CNBD1: variants seen among roughly 807,000 people sequenced by gnomAD.
The protein encoded by CNBD1 is cyclic nucleotide binding domain containing 1.
In CNBD1, 71 loss-of-function variants were observed where a neutral mutation model predicts 54.4. That is an observed-to-expected ratio of 1.30 (90% CI 1.08 to 1.59). The LOEUF is 1.59. Ranked by LOEUF, CNBD1 falls within the 40% of genes most tolerant of loss-of-function variation. The pLI is 0.00. For synonymous variants in CNBD1, 182 were observed against 170.7 expected (o/e 1.07, Z -0.51); for missense variants, 659 against 518.0 (o/e 1.27, Z -2.64).
At chr8:87,422,225 G>A (rs1315551736) in intron 2 of CNBD1, among the ~76,000 whole-genome samples, 1 of 146,846 alleles carries the variant, frequency 6.8e-6, no homozygotes, top group Non-Finnish European at 1.5e-5. Context: ...TTTGTAGGTT[G>A]CCTGTTCACT....
chr8:86,978,589 C>A (rs941220955), intron 4 of CNBD1, among the ~76,000 whole-genome samples: 8 of 123,842 alleles, frequency 6.5e-5, no homozygotes, highest in Admixed American at 1.1e-4. Context: ...GTTGCCCAGG[C>A]TGGAGTGCAA....
intron 8 of CNBD1, among the ~76,000 whole-genome samples, chr8:87,316,676 T>C (rs1295464684): frequency 6.6e-6 from 1 of 151,848 alleles, no homozygotes; most frequent in Non-Finnish European, 1.5e-5. Context: ...AAATAACTTA[T>C]GAAACATTCA....
downstream of CNBD1, among the ~76,000 whole-genome samples, chr8:87,384,896 A>G (rs189505609): frequency 3.9e-3 from 590 of 152,336 alleles, 8 homozygotes; most frequent in African/African-American, 0.013. Flanking sequence ...GAAAGGGGAC[A>G]TTGTAAAAGA....
intron 5 of CNBD1, among the ~76,000 whole-genome samples, chr8:87,224,763 T>C (rs1208168585): frequency 9.9e-5 from 15 of 150,882 alleles, no homozygotes; most frequent in Non-Finnish European, 1.6e-4. Context: ...AAAGTAGTTT[T>C]TTCCAATTCT....
chr8:86,931,542 C>T (rs1809458422), intron 3 of CNBD1, among the ~76,000 whole-genome samples: 1 of 152,112 alleles, frequency 6.6e-6, no homozygotes, highest in South Asian at 2.1e-4. Flanking sequence ...TTGGCCTACT[C>T]CGTTTTCTGT....
intron 4 of CNBD1, among the ~76,000 whole-genome samples, chr8:86,950,481 C>G (rs1320045610): frequency 6.6e-6 from 1 of 152,060 alleles, no homozygotes; most frequent in Admixed American, 6.6e-5. Context: ...CCCTTGCATC[C>G]CTGGGATAAG....
intron 4 of CNBD1, among the ~76,000 whole-genome samples, chr8:86,957,145 T>C (rs2130460378): frequency 6.6e-6 from 1 of 152,376 alleles, no homozygotes; most frequent in Non-Finnish European, 1.5e-5. Context: ...GATTGCTGTA[T>C]GTTGAACTAG....
At chr8:86,878,058 TTTTG>T (rs1808550329) in intron 1 of CNBD1, among the ~76,000 whole-genome samples, 1 of 150,402 alleles carries the variant, frequency 6.6e-6, no homozygotes, top group Non-Finnish European at 1.5e-5. Context: ...TGCCATGTAA[TTTTG>T]TTTTTCTTTC....
intron 4 of CNBD1, among the ~76,000 whole-genome samples, chr8:87,189,431 A>G (rs1813551694): frequency 6.6e-6 from 1 of 152,058 alleles, no homozygotes; most frequent in African/African-American, 2.4e-5. Flanking sequence ...ATTTTCTTCA[A>G]TTTTCTTCTG....
Position 87,174,954 on chromosome 8 carries a change from G to A in CNBD1, c.432-31039G>A, listed in dbSNP as rs567913049. 8.5e-5 allele frequency among the ~76,000 whole-genome samples: 13 copies of A among 152,260 alleles called. No individual in the cohort carries two copies. In the South Asian group the frequency reaches 2.5e-3, roughly 29 times the overall value. ...CTTCCTCTCTGTGCTGAGCTGCCTG[G>A]TGTGGAGACTAGAGTGACACAAGCA... On this transcript the variant is annotated intron_variant, in intron 4 of 10. Coordinates refer to ENST00000518476, the MANE Select transcript of CNBD1 (RefSeq NM_173538.3).
At chr8:87,169,933 T>G (rs911943716) in intron 4 of CNBD1, among the ~76,000 whole-genome samples, 12 of 152,220 alleles carry the variant, frequency 7.9e-5, no homozygotes, top group African/African-American at 2.9e-4. Flanking sequence ...GTTTTTCCTG[T>G]TTATGTGAAT....
intron 4 of CNBD1, among the ~76,000 whole-genome samples, chr8:87,097,448 A>G (rs780051234): frequency 6.6e-6 from 1 of 152,196 alleles, no homozygotes; most frequent in Non-Finnish European, 1.5e-5. Flanking sequence ...CATATAAAAT[A>G]CTTCGATGTG....
At chr8:87,217,235 A>G (rs1814232568) in intron 5 of CNBD1, among the ~76,000 whole-genome samples, 1 of 152,164 alleles carries the variant, frequency 6.6e-6, no homozygotes, top group Non-Finnish European at 1.5e-5. Flanking sequence ...CACATTATAA[A>G]TAGACCAAAA....
chr8:87,329,830 A>T (rs537933835), intron 8 of CNBD1, among the ~76,000 whole-genome samples: 9 of 152,058 alleles, frequency 5.9e-5, no homozygotes, highest in Admixed American at 5.9e-4. Flanking sequence ...ATAGATGATT[A>T]TGTCATCAGC....
chr8:86,881,106 A>T (rs1808600201), intron 1 of CNBD1, among the ~76,000 whole-genome samples: 1 of 152,206 alleles, frequency 6.6e-6, no homozygotes, highest in African/African-American at 2.4e-5. Context: ...ATTCCTCTTG[A>T]ATACCAGCAC....
At chr8:87,152,457 T>C (rs920436078) in intron 4 of CNBD1, among the ~76,000 whole-genome samples, 5 of 130,982 alleles carry the variant, frequency 3.8e-5, no homozygotes, top group Non-Finnish European at 8.3e-5. Context: ...AAAAAAAAAA[T>C]CTCAAAAAAA....
rs1469545945 is a variant in CNBD1, at chr8:87,284,573, C to T, written c.772-105C>T. 6 of 967,200 alleles carry T rather than the reference C, an allele frequency of 6.2e-6. No individual in the cohort carries two copies. In the East Asian group the frequency reaches 1.6e-4, roughly 26 times the overall value. The allele number at this position is 967,200 out of a possible 1,614,324, so 59.9% of individuals were successfully genotyped here. On this transcript the variant is annotated intron_variant, in intron 6 of 10. Coordinates refer to ENST00000518476, the MANE Select transcript of CNBD1 (RefSeq NM_173538.3). ...ATCCATGCAGAGACAGTTTAGAACC[C>T]CCTCTTTCATAGAATGAAAGCTTGA... is the stretch of plus-strand genomic sequence containing the variant.
chr8:87,422,702 T>C (rs1470004117), intron 2 of CNBD1, among the ~76,000 whole-genome samples: 10 of 152,124 alleles, frequency 6.6e-5, no homozygotes, highest in Admixed American at 6.5e-5. Flanking sequence ...TGAAGTCAGG[T>C]AGTGTGATGC....
intron 5 of CNBD1, among the ~76,000 whole-genome samples, chr8:87,231,100 A>T (rs1443936827): frequency 6.6e-6 from 1 of 152,176 alleles, no homozygotes; most frequent in East Asian, 1.9e-4. Flanking sequence ...TCATTCTCTT[A>T]TGAACAAGTA....
Sources: allele counts gnomAD v4.1 joint callset (sites outside exome capture counted in the v4.1 genomes callset), GRCh38; gene constraint gnomAD v4.1.1; transcripts MANE v1.5; gene names NCBI Gene and HGNC (gene_info 2026-07-23, HGNC 2026-07-21).